PKNOX2: variants seen among roughly 807,000 people sequenced by gnomAD.
The protein encoded by PKNOX2 is homeobox protein PKNOX2.
Under a neutral mutation model 53.1 loss-of-function variants are expected in PKNOX2, and 14 were observed. The ratio of observed to expected loss-of-function variants is 0.26; its 90% CI spans 0.17 to 0.41. PKNOX2 has a LOEUF of 0.41. Ranked by LOEUF, PKNOX2 falls within the 10% of genes least tolerant of loss-of-function variation. PKNOX2 has a pLI of 1.00. For missense variants in PKNOX2, 496 were observed against 602.8 expected (o/e 0.82, Z 1.85); for synonymous variants, 257 against 242.8 (o/e 1.06, Z -0.54).
intron 4 of PKNOX2, among the ~76,000 whole-genome samples, chr11:125,358,932 C>T (rs1468148846): frequency 1.3e-5 from 2 of 152,124 alleles, no homozygotes; most frequent in Non-Finnish European, 2.9e-5. Context: ...TGTTGGGGTC[C>T]GTTCAGATGA....
chr11:125,249,008 T>A (rs1392379021), intron 2 of PKNOX2, among the ~76,000 whole-genome samples: 1 of 129,392 alleles, frequency 7.7e-6, no homozygotes, highest in East Asian at 2.2e-4. Context: ...ACATAATATA[T>A]TATATATAAC....
chr11:125,407,001 A>G (rs1000097112), intron 7 of PKNOX2, among the ~76,000 whole-genome samples: 3 of 151,260 alleles, frequency 2.0e-5, no homozygotes, highest in African/African-American at 7.3e-5. Context: ...TAAGGGATGA[A>G]TATCATTTCC....
chr11:125,303,861 G>A (rs1480411373), intron 2 of PKNOX2, among the ~76,000 whole-genome samples: 2 of 152,220 alleles, frequency 1.3e-5, no homozygotes, highest in Admixed American at 6.5e-5. Flanking sequence ...TAAGAAAATA[G>A]AGGGAGGCTT....
chr11:125,395,333 T>A (rs1420332381), intron 6 of PKNOX2, among the ~76,000 whole-genome samples: 2 of 152,244 alleles, frequency 1.3e-5, no homozygotes, highest in Non-Finnish European at 2.9e-5. Flanking sequence ...GAAGTACATT[T>A]GGGTTGTTTC....
At chr11:125,409,955 T>G in intron 7 of PKNOX2, 1 of 419,134 alleles carries the variant, frequency 2.4e-6, no homozygotes, top group Non-Finnish European at 4.2e-6. Flanking sequence ...GTGCCTTAGG[T>G]TTTCAGGGCA....
At chr11:125,187,085 A>G (rs982761853) in intron 1 of PKNOX2, among the ~76,000 whole-genome samples, 1 of 152,286 alleles carries the variant, frequency 6.6e-6, no homozygotes, top group East Asian at 1.9e-4. Context: ...CCATCCCCAT[A>G]CCAGTATCAT....
intron 2 of PKNOX2, among the ~76,000 whole-genome samples, chr11:125,306,558 A>G (rs1246248305): frequency 1.3e-5 from 2 of 152,252 alleles, no homozygotes; most frequent in Non-Finnish European, 2.9e-5. Context: ...GGCATTCTGC[A>G]TGATCCATGC....
At chr11:125,345,199 C>T (rs1591536060) in intron 3 of PKNOX2, among the ~76,000 whole-genome samples, 1 of 152,176 alleles carries the variant, frequency 6.6e-6, no homozygotes, top group Non-Finnish European at 1.5e-5. Context: ...TAAGGTGGGG[C>T]GGGCTCTGGG....
chr11:125,337,923 G>A (rs770726646), intron 3 of PKNOX2, among the ~76,000 whole-genome samples: 16 of 152,296 alleles, frequency 1.1e-4, no homozygotes, highest in Non-Finnish European at 2.1e-4. Flanking sequence ...TGATGACTCA[G>A]GACCCTTCCA....
At chr11:125,265,905 C>T (rs549200008) in intron 2 of PKNOX2, among the ~76,000 whole-genome samples, 1 of 152,152 alleles carries the variant, frequency 6.6e-6, no homozygotes, top group African/African-American at 2.4e-5. Flanking sequence ...CATTCCGCAA[C>T]CCTCAAACTT....
chr11:125,301,396 G>A (rs945541007), intron 2 of PKNOX2, among the ~76,000 whole-genome samples: 2 of 151,876 alleles, frequency 1.3e-5, no homozygotes, highest in Non-Finnish European at 2.9e-5. Flanking sequence ...CCCAAGCAGG[G>A]TAGACTTCTT....
At chr11:125,275,121 G>A (rs886227203) in intron 2 of PKNOX2, among the ~76,000 whole-genome samples, 3 of 152,190 alleles carry the variant, frequency 2.0e-5, no homozygotes, top group Non-Finnish European at 2.9e-5. Context: ...AAGCAACCAT[G>A]GAAATAAGAA....
Position 125,361,636 on chromosome 11 carries a change from T to C in PKNOX2, c.88-6210T>C, listed in dbSNP as rs545281017. Among the ~76,000 whole-genome samples the C allele has an allele frequency of 4.9e-4, 75 of 152,358 alleles. 1 individual carries two copies. Among genetic ancestry groups the C allele is most frequent in the African/African-American group, 1.8e-3 (74 of 41,584 alleles). ...TGCAGGTTTGTTACATATGTATACATGTGCCATGTTGGTGTGCTGCACCCA... is the reference window on the plus strand; with the variant it reads ...TGCAGGTTTGTTACATATGTATACACGTGCCATGTTGGTGTGCTGCACCCA... On this transcript the variant is annotated intron_variant, in intron 4 of 12. Coordinates refer to ENST00000298282, the MANE Select transcript of PKNOX2 (RefSeq NM_001382323.2).
At chr11:125,184,865 C>T (rs1385075062) in intron 1 of PKNOX2, among the ~76,000 whole-genome samples, 1 of 152,210 alleles carries the variant, frequency 6.6e-6, no homozygotes, top group Non-Finnish European at 1.5e-5. Context: ...TCCACCTACA[C>T]GGTCTTTATG....
rs117665154 is a variant in PKNOX2, at chr11:125,382,049, C to T, written c.228-3502C>T. On this transcript the variant is annotated intron_variant, in intron 5 of 12. Coordinates refer to ENST00000298282, the MANE Select transcript of PKNOX2 (RefSeq NM_001382323.2). ...GACACAGTCGTGGCAGATGTCCCGT[C>T]CTTACCCCACATGCCACTCACACTG... Among the ~76,000 whole-genome samples the T allele has an allele frequency of 7.1e-3, 1,087 of 152,316 alleles. 14 individuals are homozygous for T. The highest frequency in any genetic ancestry group is 0.048 in the South Asian group (232 of 4,830).
chr11:125,332,198 G>A (rs889376760), intron 3 of PKNOX2, among the ~76,000 whole-genome samples: 3 of 152,114 alleles, frequency 2.0e-5, no homozygotes, highest in Non-Finnish European at 2.9e-5. Context: ...ATACAGATGG[G>A]TGGGGCCTTG....
At chr11:125,282,389 C>T (rs1031688103) in intron 2 of PKNOX2, among the ~76,000 whole-genome samples, 1 of 152,218 alleles carries the variant, frequency 6.6e-6, no homozygotes. Context: ...AGGACTGGCA[C>T]GTCCCAGTCT....
At chr11:125,259,518 G>C (rs1944670714) in intron 2 of PKNOX2, among the ~76,000 whole-genome samples, 1 of 152,048 alleles carries the variant, frequency 6.6e-6, no homozygotes, top group Non-Finnish European at 1.5e-5. Flanking sequence ...TTGTACCCTG[G>C]CCCCCCTGCA....
At chr11:125,175,296 C>T (rs114886702) in intron 1 of PKNOX2, among the ~76,000 whole-genome samples, 316 of 152,280 alleles carry the variant, frequency 2.1e-3, no homozygotes, top group African/African-American at 7.3e-3. Context: ...CAGTCCTCCA[C>T]GGAGCACCAT....
Sources: allele counts gnomAD v4.1 joint callset (sites outside exome capture counted in the v4.1 genomes callset), GRCh38; gene constraint gnomAD v4.1.1; transcripts MANE v1.5; gene names NCBI Gene and HGNC (gene_info 2026-07-23, HGNC 2026-07-21).